NALCN: variants seen among roughly 807,000 people sequenced by gnomAD.
The protein encoded by NALCN is sodium leak channel, non-selective.
NALCN carries 111 observed loss-of-function variants against 225.3 expected under a neutral mutation model. The observed-to-expected ratio is 0.49, with a 90% CI of 0.42 to 0.58. The LOEUF (loss-of-function observed/expected upper bound fraction) is 0.58, where lower values mean the gene tolerates loss of function less well. Ranked by LOEUF, NALCN falls within the 20% of genes least tolerant of loss-of-function variation. The pLI is 0.00. For missense variants in NALCN, 1,378 were observed against 2,202.4 expected (o/e 0.63, Z 7.49); for synonymous variants, 764 against 769.0 (o/e 0.99, Z 0.11).
chr13:101,395,214 A>G lies in NALCN; in HGVS notation c.260T>C (p.Ile87Thr). Residue 87 changes from isoleucine to threonine, a missense_variant, in exon 3 of 44, where the codon ATA becomes ACA. Physicochemically the swap from Ile to Thr is moderately conservative, Grantham distance 89. Around this residue, in one of 19 missense-constraint regions of NALCN, gnomAD observed 146 missense variants for 205.9 expected, o/e 0.71. Transcript: ENST00000251127. ...AATGCCCCGGATGTGCATTTTTGCT[A>G]TCATCTCTGCCGTGTAGAGAAACAT... Reference protein sequence around the residue: ...LLMFLYTAEMIAKMHIRGIVK... With the variant: ...LLMFLYTAEMTAKMHIRGIVK... 1.9e-6 allele frequency: 3 copies of G among 1,613,584 alleles called. No individual in the cohort carries two copies. The highest frequency in any genetic ancestry group is 1.7e-4 in the Middle Eastern group (1 of 6,054).
At chr13:101,392,940 T>C (rs1381067905) in intron 3 of NALCN, among the ~76,000 whole-genome samples, 1 of 152,100 alleles carries the variant, frequency 6.6e-6, no homozygotes, top group Non-Finnish European at 1.5e-5. Flanking sequence ...TACCAAAGCA[T>C]AAATATAACC....
At chr13:101,283,858 C>A in intron 10 of NALCN, 75 bp downstream of exon 10, 1 of 1,243,644 alleles carries the variant, frequency 8.0e-7, no homozygotes, top group Non-Finnish European at 1.1e-6. Context: ...GCTTAAAGAG[C>A]TGTGGATTTT....
chr13:101,119,380 A>G (rs563542742), intron 18 of NALCN, among the ~76,000 whole-genome samples: 20 of 152,326 alleles, frequency 1.3e-4, no homozygotes, highest in African/African-American at 4.8e-4. Context: ...ATATAAGTGC[A>G]TGGCAAAGAA....
At chr13:101,090,259 C>G (rs556982994) in intron 28 of NALCN, among the ~76,000 whole-genome samples, 1 of 152,296 alleles carries the variant, frequency 6.6e-6, no homozygotes, top group East Asian at 1.9e-4. Context: ...TGTAAAACAG[C>G]TCTAGTTCTA....
intron 1 of NALCN, among the ~76,000 whole-genome samples, chr13:101,411,209 T>G (rs2047772897): frequency 1.3e-5 from 2 of 151,978 alleles, no homozygotes; most frequent in African/African-American, 4.8e-5. Context: ...TCCTCTTTCT[T>G]TTTTTTCCTT....
At chr13:101,356,821 A>G (rs2046077144) in intron 6 of NALCN, among the ~76,000 whole-genome samples, 1 of 152,186 alleles carries the variant, frequency 6.6e-6, no homozygotes, top group Admixed American at 6.5e-5. Context: ...CCAACAGCAC[A>G]TCAAAAAGCT....
intron 7 of NALCN, among the ~76,000 whole-genome samples, chr13:101,318,016 A>T (rs983240923): frequency 6.6e-6 from 1 of 152,124 alleles, no homozygotes; most frequent in African/African-American, 2.4e-5. Flanking sequence ...TTATTTACAG[A>T]TATACTTGCT....
At chr13:101,362,654 A>G (rs2139369915) in intron 6 of NALCN, among the ~76,000 whole-genome samples, 1 of 152,230 alleles carries the variant, frequency 6.6e-6, no homozygotes, top group Admixed American at 6.5e-5. Context: ...GGAAAAATTG[A>G]AAGCCTTTCT....
intron 7 of NALCN, among the ~76,000 whole-genome samples, chr13:101,331,597 T>C (rs1464689792): frequency 6.6e-6 from 1 of 152,112 alleles, no homozygotes; most frequent in East Asian, 1.9e-4. Flanking sequence ...TGTGAAGAAC[T>C]ATCCACTTTT....
intron 10 of NALCN, among the ~76,000 whole-genome samples, chr13:101,259,727 T>C (rs888414781): frequency 1.1e-4 from 9 of 79,138 alleles, no homozygotes; most frequent in African/African-American, 2.9e-4. Context: ...GGGTACATAG[T>C]AAGTGTATAT....
chr13:101,173,524 T>C (rs1337602667), intron 15 of NALCN, among the ~76,000 whole-genome samples: 1 of 152,106 alleles, frequency 6.6e-6, no homozygotes, highest in Non-Finnish European at 1.5e-5. Context: ...ACACCTGCAT[T>C]GAATGGGTCG....
chr13:101,275,823 A>G (rs1021489925), intron 10 of NALCN, among the ~76,000 whole-genome samples: 1 of 151,978 alleles, frequency 6.6e-6, no homozygotes, highest in Non-Finnish European at 1.5e-5. Context: ...TATGGACCAA[A>G]AACAGGAAAA....
chr13:101,076,023 G>A (rs2033231846), intron 34 of NALCN, 82 bp from the exon 35 acceptor site: 3 of 1,149,292 alleles, frequency 2.6e-6, no homozygotes, highest in Non-Finnish European at 3.8e-6. Context: ...CTTCTGTGAA[G>A]TATACTGAAT....
intron 1 of NALCN, among the ~76,000 whole-genome samples, chr13:101,408,941 G>A (rs2047700696): frequency 6.6e-6 from 1 of 152,070 alleles, no homozygotes; most frequent in Admixed American, 6.5e-5. Context: ...ATAAAAAATG[G>A]TTCCCCACTT....
intron 10 of NALCN, among the ~76,000 whole-genome samples, chr13:101,261,507 G>C (rs1429819789): frequency 2.6e-5 from 4 of 151,908 alleles, no homozygotes; most frequent in Admixed American, 2.6e-4. Flanking sequence ...TCCATTTTTG[G>C]TGTCCTCTTC....
chr13:101,057,123 T>C (rs943048613), intron 43 of NALCN: 4 of 152,244 alleles, frequency 2.6e-5, no homozygotes, highest in African/African-American at 9.7e-5. Flanking sequence ...CTCCTTTCAA[T>C]TGGGCTGAAG....
chr13:101,060,360 C>T (rs1027872847), intron 41 of NALCN, among the ~76,000 whole-genome samples: 14 of 134,522 alleles, frequency 1.0e-4, no homozygotes, highest in African/African-American at 3.6e-4. Flanking sequence ...CTCACTGTAA[C>T]CTTAAACTCC....
intron 16 of NALCN, among the ~76,000 whole-genome samples, chr13:101,144,284 A>G (rs2037233605): frequency 1.3e-5 from 2 of 152,382 alleles, no homozygotes; most frequent in African/African-American, 2.4e-5. Context: ...GGCAAATTAT[A>G]TATGGTAACC....
intron 6 of NALCN, among the ~76,000 whole-genome samples, chr13:101,369,558 C>T (rs1272941085): frequency 1.3e-5 from 2 of 152,180 alleles, no homozygotes; most frequent in Non-Finnish European, 2.9e-5. Context: ...AATGCCTGAT[C>T]TTCTAGCTGC....
Sources: gnomAD v4.1 joint callset for allele counts (sites outside exome capture counted in the v4.1 genomes callset) on GRCh38, gnomAD v4.1.1 for gene constraint, gnomAD v4.1.1 regional missense constraint, MANE v1.5 for transcripts, NCBI Gene and HGNC (gene_info 2026-07-23, HGNC 2026-07-21) for gene names.